Variants in KIF4A observed in about 807,000 individuals in gnomAD.
The protein encoded by KIF4A is chromosome-associated kinesin KIF4A.
In KIF4A, 7 loss-of-function variants were observed where a neutral mutation model predicts 105.9. The ratio of observed to expected loss-of-function variants is 0.07; its 90% CI spans 0.04 to 0.12. The LOEUF (loss-of-function observed/expected upper bound fraction) is 0.12, where lower values mean the gene tolerates loss of function less well. Ranked by LOEUF, KIF4A falls within the 10% of genes least tolerant of loss-of-function variation. The pLI is 1.00. For synonymous variants in KIF4A, 281 were observed against 331.3 expected, an observed-to-expected ratio of 0.85 and a Z score of 1.65; for missense variants, 558 against 929.2, an observed-to-expected ratio of 0.60 and a Z score of 5.19.
Position 70,370,758 on chromosome X carries a change from A to G in KIF4A, c.1675-3393A>G. On this transcript the variant is annotated intron_variant, in intron 15 of 30. Transcript: ENST00000374403. ...CGAGACCAGCCTGGCCAACATGGTG[A>G]AACCCTGTCTCTACTAAAAATACAA... is the stretch of plus-strand genomic sequence containing the variant. Among the ~76,000 whole-genome samples, 2 of 109,175 alleles carry G rather than the reference A, an allele frequency of 1.8e-5. 1 individual carries two copies. The highest frequency in any genetic ancestry group is 9.5e-3 in the Middle Eastern group (2 of 210). 94.8% of individuals were successfully genotyped at this position (109,175 alleles called of 115,157 possible). A position where few individuals can be genotyped will look rare whatever the true frequency, so the allele number is the denominator to read the frequency against.
intron 7 of KIF4A, among the ~76,000 whole-genome samples, chrX:70,318,630 C>T (rs1352981882): frequency 9.0e-6 from 1 of 111,615 alleles, no homozygotes; most frequent in Non-Finnish European, 1.9e-5. Context: ...GCTCTATATC[C>T]ACTGTTTTGT....
At chrX:70,323,659 AAC>A (rs1410283861) in intron 7 of KIF4A, among the ~76,000 whole-genome samples, 6 of 111,021 alleles carry the variant, frequency 5.4e-5, no homozygotes, top group Admixed American at 9.6e-5. Flanking sequence ...TAGTAAAATT[AAC>A]ATTTTACTAT....
chrX:70,343,244 T>G (rs780128860), intron 11 of KIF4A, among the ~76,000 whole-genome samples: 2 of 112,137 alleles, frequency 1.8e-5, no homozygotes, highest in Non-Finnish European at 3.8e-5. Context: ...AATGCCCTTA[T>G]GCTGGGGCTA....
chrX:70,394,104 G>C (rs1364434794), intron 20 of KIF4A, among the ~76,000 whole-genome samples: 1 of 108,964 alleles, frequency 9.2e-6, no homozygotes, highest in African/African-American at 3.4e-5. Flanking sequence ...GGGGTCAAGT[G>C]ATCCACCTGC....
intron 7 of KIF4A, among the ~76,000 whole-genome samples, chrX:70,317,824 G>T (rs113323172): frequency 9.2e-6 from 1 of 108,178 alleles, no homozygotes; most frequent in African/African-American, 3.3e-5. Flanking sequence ...AATTACAGGC[G>T]TAAGCCACCA....
chrX:70,397,896 G>A (rs2086266187), intron 22 of KIF4A, among the ~76,000 whole-genome samples: 1 of 112,038 alleles, frequency 8.9e-6, no homozygotes, highest in Non-Finnish European at 1.9e-5. Context: ...TCACACTGGT[G>A]TCCTGGAATC....
intron 13 of KIF4A, among the ~76,000 whole-genome samples, chrX:70,349,691 GGGT>G (rs1226958036): frequency 1.3e-5 from 1 of 77,260 alleles, no homozygotes; most frequent in African/African-American, 5.3e-5. Context: ...TTCCTAGTCG[GGGT>G]GGCGGCCGGG....
chrX:70,416,105 G>A (rs2086343043), intron 28 of KIF4A, among the ~76,000 whole-genome samples: 3 of 109,774 alleles, frequency 2.7e-5, no homozygotes, highest in East Asian at 5.7e-4. Context: ...GACCTCAGAT[G>A]ATCTGCCCGC....
intron 22 of KIF4A, among the ~76,000 whole-genome samples, chrX:70,401,484 C>G (rs1166436677): frequency 2.8e-5 from 3 of 107,796 alleles, no homozygotes; most frequent in Non-Finnish European, 5.8e-5. Flanking sequence ...CACTGCAACC[C>G]CCACCTCCCG....
Position 70,359,014 on chromosome X carries a change from C to T in KIF4A, c.1674+5207C>T, listed in dbSNP as rs893675988. 2.7e-5 allele frequency among the ~76,000 whole-genome samples: 3 copies of T among 111,941 alleles called. No homozygotes were observed. In the East Asian group the frequency reaches 8.4e-4, roughly 31 times the overall value. On this transcript the variant is annotated intron_variant, in intron 15 of 30. Coordinates refer to ENST00000374403, the MANE Select transcript of KIF4A (RefSeq NM_012310.5). ...GGCCTCTCCAGAAAGGAAGCCTCTG[C>T]TCTACTCTGTGGCTCTGTGGTACAT...
chrX:70,318,336 C>G (rs1212214209), intron 7 of KIF4A, among the ~76,000 whole-genome samples: 1 of 112,292 alleles, frequency 8.9e-6, no homozygotes, highest in Non-Finnish European at 1.9e-5. Flanking sequence ...AGAGATTCAT[C>G]TACTACATTA....
At chrX:70,301,461 A>G (rs949306858) in intron 5 of KIF4A, among the ~76,000 whole-genome samples, 8 of 111,493 alleles carry the variant, frequency 7.2e-5, no homozygotes, top group African/African-American at 2.6e-4. Flanking sequence ...AAACTGTACC[A>G]TGCTATTTCC....
Position 70,343,690 on chromosome X carries a change from G to A in KIF4A, c.1267-13G>A. The A allele has an allele frequency of 8.3e-7, 1 of 1,209,133 alleles. No individual in the cohort carries two copies. The highest frequency in any genetic ancestry group is 1.1e-6 in the Non-Finnish European group (1 of 893,112). ...GGCACCGCCACTGATGATCTCCTGG[G>A]TCTTTGTTGCAGACAGAGCAAGCGA... On this transcript the variant is annotated splice_polypyrimidine_tract_variant and intron_variant, in intron 11 of 30. Coordinates refer to ENST00000374403, the MANE Select transcript of KIF4A (RefSeq NM_012310.5).
chrX:70,317,613 C>T (rs1244278397), intron 7 of KIF4A, among the ~76,000 whole-genome samples: 1 of 97,907 alleles, frequency 1.0e-5, no homozygotes, highest in Non-Finnish European at 2.0e-5. Flanking sequence ...GGCACAATCA[C>T]AGCTCACTAC....
chrX:70,325,287 G>GT (rs754374886), intron 7 of KIF4A, among the ~76,000 whole-genome samples: 1 of 111,036 alleles, frequency 9.0e-6, no homozygotes, highest in African/African-American at 3.3e-5. Context: ...CAATTTCTTT[G>GT]TTTTTTTCTT....
chrX:70,370,662 G>A (rs903952985), intron 15 of KIF4A, among the ~76,000 whole-genome samples: 6 of 110,276 alleles, frequency 5.4e-5, no homozygotes, highest in Middle Eastern at 4.2e-3. Context: ...TAGTTTGGGC[G>A]TGGTGGCTCA....
intron 15 of KIF4A, among the ~76,000 whole-genome samples, chrX:70,365,042 TTGTC>T (rs1173917127): frequency 1.7e-4 from 19 of 111,655 alleles, no homozygotes; most frequent in Middle Eastern, 4.6e-3. Context: ...GGCTCTCTGT[TTGTC>T]TGTTATTGGT....
rs771950761 is a variant in KIF4A, at chrX:70,420,053, C to T, written c.3496-9C>T. The T allele has an allele frequency of 6.6e-6, 8 of 1,206,928 alleles. No homozygotes were observed. The South Asian group carries it at 1.4e-4, about 21-fold the overall frequency. ...AAAGTCTATTCATACCTGTCTCTGT[C>T]CCTCCTAGATCCTGAAAGAGATGTG... is the stretch of plus-strand genomic sequence containing the variant. On this transcript the variant is annotated splice_polypyrimidine_tract_variant and intron_variant, in intron 30 of 30. Coordinates refer to ENST00000374403, the MANE Select transcript of KIF4A (RefSeq NM_012310.5).
rs776334951 is a variant in KIF4A, at chrX:70,406,952, A to G, written c.3132A>G (p.Leu1044=). The change falls in exon 28 of 31, where the codon CTA becomes CTG. Residue 1044 remains leucine, a synonymous_variant. Coordinates refer to ENST00000374403, the MANE Select transcript of KIF4A (RefSeq NM_012310.5). The part of the protein sequence containing the change: ...FLEQSMDIED[L]KYCSEHSVNE... Reference sequence around the variant, plus strand: ...AGCAAAGCATGGACATCGAGGATCTAAAATATTGTTCAGAGCATTCTGTGA... The same window carrying G: ...AGCAAAGCATGGACATCGAGGATCTGAAATATTGTTCAGAGCATTCTGTGA... 1 of 1,211,896 alleles carries G rather than the reference A, an allele frequency of 8.3e-7. No individual in the cohort carries two copies. The highest frequency in any genetic ancestry group is 3.0e-5 in the East Asian group (1 of 33,860).
Sources: allele counts gnomAD v4.1 joint callset (sites outside exome capture counted in the v4.1 genomes callset), GRCh38; gene constraint gnomAD v4.1.1; transcripts MANE v1.5; gene names NCBI Gene and HGNC (gene_info 2026-07-23, HGNC 2026-07-21).